Variants in ARHGAP15 observed in about 807,000 individuals in gnomAD.
ARHGAP15 encodes rho GTPase-activating protein 15.
Under a neutral mutation model 63.7 loss-of-function variants are expected in ARHGAP15, and 51 were observed. The observed-to-expected ratio is 0.80, with a 90% CI of 0.64 to 1.01. The LOEUF is 1.01. Among genes scored for constraint, ARHGAP15 ranks in the 50% least tolerant of loss-of-function variants. The pLI is 0.00. For missense variants in ARHGAP15, 560 were observed against 564.6 expected, an observed-to-expected ratio of 0.99 and a Z score of 0.08; for synonymous variants, 191 against 193.8, an observed-to-expected ratio of 0.99 and a Z score of 0.12.
chr2:143,619,430 C>T (rs1002587078), intron 11 of ARHGAP15, among the ~76,000 whole-genome samples: 6 of 152,088 alleles, frequency 3.9e-5, no homozygotes, highest in Non-Finnish European at 8.8e-5. Context: ...TGGAGCTTAA[C>T]CTATCTTTAA....
At chr2:143,441,892 T>C (rs1689899624) in intron 8 of ARHGAP15, among the ~76,000 whole-genome samples, 1 of 152,324 alleles carries the variant, frequency 6.6e-6, no homozygotes, top group Middle Eastern at 3.4e-3. Context: ...ATCTACGTTC[T>C]CTTAATGACA....
intron 6 of ARHGAP15, among the ~76,000 whole-genome samples, chr2:143,400,632 G>A (rs968524973): frequency 2.0e-5 from 3 of 151,976 alleles, no homozygotes; most frequent in South Asian, 2.1e-4. Context: ...AACCAAATAC[G>A]AAGGGAGGCC....
intron 9 of ARHGAP15, among the ~76,000 whole-genome samples, chr2:143,506,881 T>TA (rs35030459): frequency 0.26 from 39,839 of 151,970 alleles, 6,076 homozygotes; most frequent in East Asian, 0.71. Context: ...TATTAGGGTA[T>TA]TTTCCTTAAA....
rs115717020 is a variant in ARHGAP15, at chr2:143,300,289, G to T, written c.474+49689G>T. Among the ~76,000 whole-genome samples, 234 of 152,116 alleles carry T rather than the reference G, an allele frequency of 1.5e-3. 1 individual carries two copies. Among genetic ancestry groups the T allele is most frequent in the Non-Finnish European group, 3.0e-3 (205 of 67,966 alleles). On this transcript the variant is annotated intron_variant, in intron 6 of 13. Coordinates refer to ENST00000295095, the MANE Select transcript of ARHGAP15 (RefSeq NM_018460.4). ...TGAAGCTGAACAGGATGAGACCTCA[G>T]GATCAGGTGTGGCCTTGGTGAGGAA...
At chr2:143,330,094 C>CAAAAAAAAAAAAACAAA (rs1684445402) in intron 6 of ARHGAP15, among the ~76,000 whole-genome samples, 1 of 1,688 alleles carries the variant, frequency 5.9e-4, no homozygotes, top group Non-Finnish European at 1.4e-3. Flanking sequence ...GGCTCTGTCT[C>CAAAAAAAAAAAAACAAA]AAAAAAAAAA....
intron 3 of ARHGAP15, among the ~76,000 whole-genome samples, chr2:143,207,248 C>T (rs1442851183): frequency 6.6e-6 from 1 of 151,808 alleles, no homozygotes; most frequent in Non-Finnish European, 1.5e-5. Context: ...ATGAAACTCA[C>T]TTTGAATATC....
chr2:143,440,789 C>T (rs1689839652), intron 8 of ARHGAP15, among the ~76,000 whole-genome samples: 1 of 152,098 alleles, frequency 6.6e-6, no homozygotes, highest in Non-Finnish European at 1.5e-5. Flanking sequence ...ACTCAGGACA[C>T]CAGCCTGGGA....
chr2:143,573,185 C>G (rs1288939995), intron 11 of ARHGAP15, among the ~76,000 whole-genome samples: 4 of 152,116 alleles, frequency 2.6e-5, no homozygotes, highest in African/African-American at 9.7e-5. Flanking sequence ...TGCCTTAAAG[C>G]AAAACTTCAC....
At chr2:143,579,529 T>C (rs1008576704) in intron 11 of ARHGAP15, among the ~76,000 whole-genome samples, 2 of 152,164 alleles carry the variant, frequency 1.3e-5, no homozygotes, top group Admixed American at 6.6e-5. Flanking sequence ...TGGATATCAA[T>C]TGTGCCCTTC....
chr2:143,503,116 C>G (rs1233604552), intron 9 of ARHGAP15, among the ~76,000 whole-genome samples: 5 of 152,202 alleles, frequency 3.3e-5, no homozygotes, highest in Non-Finnish European at 7.3e-5. Context: ...CCCGTTATGA[C>G]CAGCCTAGAA....
intron 4 of ARHGAP15, among the ~76,000 whole-genome samples, chr2:143,219,907 C>A (rs554308113): frequency 6.6e-6 from 1 of 152,232 alleles, no homozygotes; most frequent in South Asian, 2.1e-4. Context: ...CTTTTTTATT[C>A]AATAATTTGA....
rs190701983 is a variant in ARHGAP15 at position 143,555,485 on chromosome 2, T to G, written c.926-923T>G. Among the ~76,000 whole-genome samples, 197 of 152,280 alleles carry G rather than the reference T, an allele frequency of 1.3e-3. 1 individual carries two copies. Among genetic ancestry groups the G allele is most frequent in the African/African-American group, 4.0e-3 (168 of 41,576 alleles). On this transcript the variant is annotated intron_variant, in intron 10 of 13. Coordinates refer to ENST00000295095, the MANE Select transcript of ARHGAP15 (RefSeq NM_018460.4). Reference sequence around the variant, plus strand: ...TGACATTAAAATTATGTTTTCAGCATTTTTAGATACTATTATAGTGTTTGA... The same window carrying G: ...TGACATTAAAATTATGTTTTCAGCAGTTTTAGATACTATTATAGTGTTTGA...
chr2:143,471,294 T>C (rs1170607849), intron 8 of ARHGAP15, among the ~76,000 whole-genome samples: 1 of 148,490 alleles, frequency 6.7e-6, no homozygotes, highest in Non-Finnish European at 1.5e-5. Context: ...TTTATTTTTG[T>C]TTGTGTATAT....
At chr2:143,131,566 T>G (rs1289398882) in intron 1 of ARHGAP15, among the ~76,000 whole-genome samples, 1 of 152,196 alleles carries the variant, frequency 6.6e-6, no homozygotes, top group Admixed American at 6.5e-5. Flanking sequence ...CCCATAGACT[T>G]GGTACCTAGA....
intron 6 of ARHGAP15, among the ~76,000 whole-genome samples, chr2:143,422,063 T>G (rs1574426255): frequency 1.3e-5 from 2 of 152,236 alleles, no homozygotes; most frequent in East Asian, 3.9e-4. Context: ...CCACCTGCAT[T>G]CAGGTAAATT....
At chr2:143,357,452 G>A (rs1246675581) in intron 6 of ARHGAP15, among the ~76,000 whole-genome samples, 2 of 152,026 alleles carry the variant, frequency 1.3e-5, no homozygotes, top group Non-Finnish European at 2.9e-5. Flanking sequence ...AATGTAGGTG[G>A]CTAGAAATCT....
intron 12 of ARHGAP15, among the ~76,000 whole-genome samples, chr2:143,678,421 G>A (rs2105365243): frequency 6.6e-6 from 1 of 152,114 alleles, no homozygotes; most frequent in East Asian, 1.9e-4. Flanking sequence ...TTCCTTAGAG[G>A]GGAATATTCA....
At chr2:143,571,621 G>T (rs1366708146) in intron 11 of ARHGAP15, among the ~76,000 whole-genome samples, 1 of 152,134 alleles carries the variant, frequency 6.6e-6, no homozygotes, top group Non-Finnish European at 1.5e-5. Context: ...GCAGGTATTG[G>T]TGGCATCTGC....
chr2:143,759,190 G>A (rs1686677430), intron 13 of ARHGAP15, among the ~76,000 whole-genome samples: 1 of 152,084 alleles, frequency 6.6e-6, no homozygotes, highest in Non-Finnish European at 1.5e-5. Flanking sequence ...AGGTGGAGGG[G>A]TGGGGCTTGG....
Sources: gnomAD v4.1 joint callset for allele counts (sites outside exome capture counted in the v4.1 genomes callset) on GRCh38, gnomAD v4.1.1 for gene constraint, MANE v1.5 for transcripts, NCBI Gene and HGNC (gene_info 2026-07-23, HGNC 2026-07-21) for gene names.